TICRR: variants seen among roughly 807,000 people sequenced by gnomAD.
TICRR encodes the protein treslin.
A neutral mutation model predicts 178.1 loss-of-function variants in TICRR; 132 were observed. The observed-to-expected ratio is 0.74, with a 90% CI of 0.64 to 0.86. The LOEUF (loss-of-function observed/expected upper bound fraction) is 0.86. Among genes scored for constraint, TICRR ranks in the 40% least tolerant of loss-of-function variants. TICRR has a pLI of 0.00. For synonymous variants in TICRR, 991 were observed against 900.7 expected, an observed-to-expected ratio of 1.10 and a Z score of -1.79; for missense variants, 2,587 against 2,334.3, an observed-to-expected ratio of 1.11 and a Z score of -2.23.
intron 4 of TICRR, among the ~76,000 whole-genome samples, chr15:89,587,876 G>A (rs1350120594): frequency 6.6e-6 from 1 of 152,134 alleles, no homozygotes; most frequent in Non-Finnish European, 1.5e-5. Context: ...GAGGGAAGAA[G>A]AGTCAAGGTT....
chr15:89,624,418 T>G lies in TICRR; in HGVS notation c.4108T>G (p.Leu1370Val), dbSNP rs377712128. The change falls in exon 20 of 22, where the codon TTG becomes GTG. Residue 1370 changes from leucine (L) to valine (V), a missense_variant. By Grantham distance (32) the Leu-to-Val change is conservative. Coordinates refer to ENST00000268138, the MANE Select transcript of TICRR (RefSeq NM_152259.4). ...TPPELSQRAT[L>V]DTVPPPPPSK... Reference sequence around the variant, plus strand: ...CCCTGAACTCTCACAGAGAGCTACATTGGACACCGTCCCTCCTCCACCCCC... The same window carrying G: ...CCCTGAACTCTCACAGAGAGCTACAGTGGACACCGTCCCTCCTCCACCCCC... 5 of 1,614,084 alleles carry G rather than the reference T, an allele frequency of 3.1e-6. No homozygotes were observed. The highest frequency in any genetic ancestry group is 3.4e-6 in the Non-Finnish European group (4 of 1,180,042).
chr15:89,601,271 T>C (rs772732492), intron 9 of TICRR, 27 bp from the exon 10 acceptor site: 1 of 1,605,096 alleles, frequency 6.2e-7, no homozygotes, highest in Non-Finnish European at 8.5e-7. Context: ...CCAAAGTAGA[T>C]ATGACCAAGT....
chr15:89,615,902 T>G (rs1249121307), intron 15 of TICRR, among the ~76,000 whole-genome samples: 1 of 151,892 alleles, frequency 6.6e-6, no homozygotes, highest in Non-Finnish European at 1.5e-5. Flanking sequence ...TTTTTTTTTT[T>G]GAGATGGAGT....
intron 11 of TICRR, 40 bp downstream of exon 11, chr15:89,601,608 T>C: frequency 6.2e-7 from 1 of 1,612,000 alleles, no homozygotes; most frequent in Non-Finnish European, 8.5e-7. Context: ...AAAATTGTTT[T>C]GTCAAAACCT....
At chr15:89,594,100 A>G (rs1962957335) in intron 5 of TICRR, among the ~76,000 whole-genome samples, 1 of 152,188 alleles carries the variant, frequency 6.6e-6, no homozygotes, top group Admixed American at 6.5e-5. Flanking sequence ...AAAAATAACT[A>G]TGGAAGCTTG....
chr15:89,618,139 G>A lies in TICRR; in HGVS notation c.2961-13G>A. 6.2e-7 allele frequency: 1 copy of A among 1,613,900 alleles called. No individual in the cohort carries two copies. The highest frequency in any genetic ancestry group is 8.5e-7 in the Non-Finnish European group (1 of 1,179,784). On this transcript the variant is annotated splice_polypyrimidine_tract_variant and intron_variant, in intron 16 of 21. Coordinates refer to ENST00000268138, the MANE Select transcript of TICRR (RefSeq NM_152259.4). ...GTGGTATGGAGTAATCCTTGTGCAT[G>A]TGGTTCCTCGAGGTCCTCTGATCCT...
chr15:89,624,954 G>C lies in TICRR; in HGVS notation c.4644G>C (p.Trp1548Cys). 1.2e-6 allele frequency: 2 copies of C among 1,614,090 alleles called. No homozygotes were observed. The highest frequency in any genetic ancestry group is 1.7e-6 in the Non-Finnish European group (2 of 1,180,034). The stretch of plus-strand genomic sequence containing the variant: ...TAGACAACCTGCCAGCATCAGCTTG[G>C]CATTCCACAGACTCTGCCAGCCCAC... ...AQLDNLPASA[W>C]HSTDSASPQT... is the part of the protein sequence containing the mutation. Residue 1548 changes from tryptophan (W) to cysteine (C), a missense_variant, in exon 20 of 22, where the codon TGG (tryptophan) becomes TGC (cysteine). Physicochemically the swap from Trp to Cys is radical, Grantham distance 215 (BLOSUM62 -2). Transcript: ENST00000268138.
chr15:89,598,655 C>T (rs1050095612), intron 7 of TICRR, among the ~76,000 whole-genome samples: 5 of 152,268 alleles, frequency 3.3e-5, no homozygotes, highest in East Asian at 1.9e-4. Flanking sequence ...TGAGCCACCA[C>T]GCCTGGCCTC....
At chr15:89,617,952 A>G in intron 16 of TICRR, 200 bp from the exon 17 acceptor site, 1 of 626,078 alleles carries the variant, frequency 1.6e-6, no homozygotes, top group Non-Finnish European at 2.8e-6. Context: ...TTAGCCTCCT[A>G]AGGTGCTGGG....
intron 15 of TICRR, 149 bp downstream of exon 15, chr15:89,609,098 A>AT (rs1404698569): frequency 5.4e-5 from 9 of 167,446 alleles, no homozygotes; most frequent in South Asian, 1.4e-4. Flanking sequence ...AATTTTGTTA[A>AT]TCTTTTTTTT....
chr15:89,591,778 T>C (rs1348830813), intron 4 of TICRR: 1 of 283,104 alleles, frequency 3.5e-6, no homozygotes, highest in African/African-American at 2.1e-5. Context: ...TTTTAACCTG[T>C]TTAGAGGAAC....
At chr15:89,614,289 C>T (rs1319972806) in intron 15 of TICRR, among the ~76,000 whole-genome samples, 1 of 151,608 alleles carries the variant, frequency 6.6e-6, no homozygotes, top group African/African-American at 2.4e-5. Context: ...TGTTTCTTTG[C>T]ATGACTCATA....
chr15:89,617,944 A>G (rs1167236928), intron 16 of TICRR: 3 of 592,362 alleles, frequency 5.1e-6, no homozygotes, highest in African/African-American at 3.7e-5. Flanking sequence ...CGCCCGCCTT[A>G]GCCTCCTAAG....
Position 89,616,450 on chromosome 15 carries a change from A to G in TICRR, c.2915A>G (p.His972Arg), listed in dbSNP as rs756350194. The part of the protein sequence containing the change: ...LTKSVAETPV[H>R]KQISKRLLHR... Reference sequence around the variant, plus strand: ...AAGAGTGTGGCCGAGACTCCAGTGCATAAGCAGATCTCCAAAAGGCTGCTG... The same window carrying G: ...AAGAGTGTGGCCGAGACTCCAGTGCGTAAGCAGATCTCCAAAAGGCTGCTG... Residue 972 changes from histidine (H) to arginine (R), a missense_variant, in exon 16 of 22, where the codon CAT (histidine) becomes CGT (arginine). His to Arg is a conservative substitution (Grantham distance 29). Transcript: ENST00000268138. The G allele has an allele frequency of 2.5e-6, 4 of 1,614,042 alleles. No homozygotes were observed. The highest frequency in any genetic ancestry group is 3.3e-4 in the Middle Eastern group (2 of 6,060).
At chr15:89,586,599 G>A (rs1161035754) in intron 4 of TICRR, among the ~76,000 whole-genome samples, 1 of 152,188 alleles carries the variant, frequency 6.6e-6, no homozygotes, top group African/African-American at 2.4e-5. Context: ...AGAAACAAAG[G>A]AATGGGGTGT....
At position 89,619,732 on chromosome 15, in the gene TICRR, G is replaced by A. The variant is rs779953659; in HGVS notation, c.3044G>A (p.Arg1015Gln). The change falls in exon 18 of 22, where the codon CGA (arginine) becomes CAA (glutamine). Residue 1015 changes from arginine (R) to glutamine (Q), a missense_variant. Physicochemically the swap from Arg to Gln is conservative, Grantham distance 43. Transcript: ENST00000268138. The stretch of plus-strand genomic sequence containing the variant: ...GAAATAAGTCTGAGACGAAGTCCTC[G>A]AATCAAGCAGTTGTCATTTAGCAGG... ...GDEISLRRSPRIKQLSFSRTH... is the reference protein window; with the variant it reads ...GDEISLRRSPQIKQLSFSRTH... 9 of 1,612,606 alleles carry A rather than the reference G, an allele frequency of 5.6e-6. No individual in the cohort carries two copies. Among genetic ancestry groups the A allele is most frequent in the Admixed American group, 1.7e-5 (1 of 59,606 alleles).
At chr15:89,612,985 C>T (rs775696356) in intron 15 of TICRR, among the ~76,000 whole-genome samples, 13 of 152,158 alleles carry the variant, frequency 8.5e-5, no homozygotes, top group Admixed American at 1.3e-4. Flanking sequence ...AAATAAAAAA[C>T]ACTTTTATAA....
chr15:89,590,977 C>T (rs188837205), intron 4 of TICRR, among the ~76,000 whole-genome samples: 102 of 152,346 alleles, frequency 6.7e-4, no homozygotes, highest in African/African-American at 2.4e-3. Context: ...CCACCTCCTC[C>T]ATCAGGCTTA....
At chr15:89,626,853 C>A in intron 21 of TICRR, 103 bp from the exon 22 acceptor site, 1 of 1,326,416 alleles carries the variant, frequency 7.5e-7, no homozygotes, top group Non-Finnish European at 1.0e-6. Flanking sequence ...TGCTGATTTT[C>A]TTAAAGTCTG....
Sources: allele counts gnomAD v4.1 joint callset (sites outside exome capture counted in the v4.1 genomes callset), GRCh38; gene constraint gnomAD v4.1.1; transcripts MANE v1.5; gene names NCBI Gene and HGNC (gene_info 2026-07-23, HGNC 2026-07-21).